The following ANK1 variants were observed in gnomAD, a reference collection of about 807,000 sequenced individuals.
ANK1 encodes the protein ankyrin 1, also known as ankyrin-1.
In ANK1, 51 loss-of-function variants were observed where a neutral mutation model predicts 210.4. The ratio of observed to expected loss-of-function variants is 0.24; its 90% CI spans 0.19 to 0.31. The LOEUF is 0.31. Among genes scored for constraint, ANK1 ranks in the 10% least tolerant of loss-of-function variants. The pLI, the probability that ANK1 is intolerant of heterozygous loss-of-function variation, is 1.00. For missense variants in ANK1, 2,051 were observed against 2,504.4 expected (o/e 0.82, Z 3.86); for synonymous variants, 967 against 1,025.9 (o/e 0.94, Z 1.10).
At position 41,722,578 on chromosome 8, in the gene ANK1, T is replaced by C. The variant is rs1407027324; in HGVS notation, c.909+547A>G. Among the ~76,000 whole-genome samples the C allele has an allele frequency of 6.6e-5, 10 of 152,230 alleles. 1 individual carries two copies. Among genetic ancestry groups the C allele is most frequent in the Admixed American group, 6.5e-4 (10 of 15,288 alleles). On this transcript the variant is annotated intron_variant, in intron 9 of 42. Coordinates refer to ENST00000289734, the MANE Select transcript of ANK1 (RefSeq NM_000037.4). Reference sequence around the variant, plus strand: ...AGAGCCACGTAACGGGCCTTTTCTCTGGCCCGTAATGGAACCTGAGAAGAA... The same window carrying C: ...AGAGCCACGTAACGGGCCTTTTCTCCGGCCCGTAATGGAACCTGAGAAGAA...
At chr8:41,858,941 A>G (rs535037009) in intron 1 of ANK1, among the ~76,000 whole-genome samples, 1 of 152,344 alleles carries the variant, frequency 6.6e-6, no homozygotes, top group Admixed American at 6.5e-5. Flanking sequence ...GACTCAGCTC[A>G]GGAAGGCTGC....
intron 35 of ANK1, among the ~76,000 whole-genome samples, chr8:41,687,452 A>G (rs1244045499): frequency 2.0e-5 from 3 of 152,354 alleles, no homozygotes; most frequent in Admixed American, 1.3e-4. Flanking sequence ...GGCAGGGATC[A>G]GCACGAGAAC....
Position 41,896,385 on chromosome 8 carries a change from C to T in ANK1, c.96G>A (p.Arg32=), listed in dbSNP as rs2150841631. The change falls in exon 1 of 43, where the codon CGG becomes CGA. Residue 32 remains arginine, a synonymous_variant. Transcript: ENST00000265709. ...TCTTTCGGTCACGGGAGCGGTTTCT[C>T]CGCTTCCTGTTGGATTCCTCCTTCT... 3 of 1,601,744 alleles carry T rather than the reference C, an allele frequency of 1.9e-6. No homozygotes were observed. In the South Asian group the frequency reaches 3.4e-5, roughly 18 times the overall value.
intron 1 of ANK1, among the ~76,000 whole-genome samples, chr8:41,763,213 CA>C (rs56021151): frequency 1.1e-3 from 146 of 130,414 alleles, no homozygotes; most frequent in Admixed American, 1.7e-3. Context: ...GACTCTGTCT[CA>C]AAAAAAAAAA....
At position 41,704,060 on chromosome 8, in the gene ANK1, G is replaced by C; in HGVS notation, c.2276C>G (p.Ser759Cys). 3.7e-6 allele frequency: 6 copies of C among 1,614,116 alleles called. No individual in the cohort carries two copies. Among genetic ancestry groups the C allele is most frequent in the Non-Finnish European group, 5.1e-6 (6 of 1,180,026 alleles). ...ACTCACCGAGCTGACCTCGTTTGGG[G>C]AAGCACCGTTTTTCAGAAGCAGAGT... The part of the protein sequence containing the change: ...IVTLLLKNGA[S>C]PNEVSSDGTT... The change falls in exon 20 of 43, where the codon TCC becomes TGC. Residue 759 changes from serine (S) to cysteine (C), a missense_variant. Ser to Cys is a moderately radical substitution (Grantham distance 112, BLOSUM62 -1). Coordinates refer to ENST00000289734, the MANE Select transcript of ANK1 (RefSeq NM_000037.4). This position sits in a 1 kb window ranked among gnomAD's most constrained non-coding sequence, Gnocchi z 4.1.
intron 2 of ANK1, among the ~76,000 whole-genome samples, chr8:41,749,295 C>CTTTTTTTTT (rs35569972): frequency 8.7e-6 from 1 of 115,420 alleles, no homozygotes; most frequent in Non-Finnish European, 1.7e-5. Context: ...TCATCTTGGA[C>CTTTTTTTTT]TTTTTTTTTT....
chr8:41,816,567 T>C (rs970442937), intron 1 of ANK1, among the ~76,000 whole-genome samples: 1 of 152,120 alleles, frequency 6.6e-6, no homozygotes, highest in African/African-American at 2.4e-5. Context: ...GCCTCCCAAG[T>C]AGCTGGGATG....
chr8:41,758,470 C>T (rs934492563), intron 1 of ANK1, among the ~76,000 whole-genome samples: 14 of 152,202 alleles, frequency 9.2e-5, no homozygotes, highest in African/African-American at 3.4e-4. Flanking sequence ...GTAGCTGGGA[C>T]TACAGGTGTG....
At chr8:41,750,309 G>A (rs901240486) in intron 2 of ANK1, among the ~76,000 whole-genome samples, 3 of 152,182 alleles carry the variant, frequency 2.0e-5, no homozygotes, top group African/African-American at 4.8e-5. Flanking sequence ...CTGGGTTTTC[G>A]CACTGGAAAT....
At chr8:41,859,496 A>T (rs1324785485) in intron 1 of ANK1, among the ~76,000 whole-genome samples, 1 of 152,184 alleles carries the variant, frequency 6.6e-6, no homozygotes, top group African/African-American at 2.4e-5. Context: ...ACAGGCACAC[A>T]CAACCACGCC....
At chr8:41,883,040 G>C (rs1404605294) in intron 1 of ANK1, among the ~76,000 whole-genome samples, 1 of 152,238 alleles carries the variant, frequency 6.6e-6, no homozygotes, top group Non-Finnish European at 1.5e-5. Flanking sequence ...GAGGTTTATA[G>C]AGTCACAGGG....
chr8:41,826,900 T>C (rs538085129), intron 1 of ANK1, among the ~76,000 whole-genome samples: 2 of 152,316 alleles, frequency 1.3e-5, no homozygotes, highest in African/African-American at 4.8e-5. Context: ...TCTAAATCTT[T>C]CCCTGCCTTT....
intron 1 of ANK1, among the ~76,000 whole-genome samples, chr8:41,860,395 T>C (rs1373866279): frequency 6.6e-6 from 1 of 152,144 alleles, no homozygotes; most frequent in Non-Finnish European, 1.5e-5. Context: ...TTGCCCACAA[T>C]GCGGAGCAGT....
intron 2 of ANK1, among the ~76,000 whole-genome samples, chr8:41,752,564 T>C (rs1432255836): frequency 1.3e-5 from 2 of 152,042 alleles, no homozygotes; most frequent in Non-Finnish European, 2.9e-5. Flanking sequence ...TGCTCTTGAC[T>C]CCTCCCCCGT....
intron 1 of ANK1, among the ~76,000 whole-genome samples, chr8:41,759,943 T>G (rs1339459544): frequency 6.6e-6 from 1 of 152,082 alleles, no homozygotes; most frequent in Non-Finnish European, 1.5e-5. Context: ...GTAGTGTGGC[T>G]CAGAAATTCA....
intron 1 of ANK1, among the ~76,000 whole-genome samples, chr8:41,789,686 A>G (rs1847210539): frequency 6.6e-6 from 1 of 152,238 alleles, no homozygotes; most frequent in Admixed American, 6.5e-5. Context: ...AAGAGTGTCT[A>G]TATTAGAGAG....
intron 1 of ANK1, among the ~76,000 whole-genome samples, chr8:41,817,429 C>A (rs2150786958): frequency 6.6e-6 from 1 of 152,298 alleles, no homozygotes; most frequent in Middle Eastern, 3.4e-3. Context: ...TGAATTGCTT[C>A]CAGAGGCACA....
chr8:41,673,574 G>A (rs557253436), intron 37 of ANK1, among the ~76,000 whole-genome samples: 1 of 152,156 alleles, frequency 6.6e-6, no homozygotes, highest in South Asian at 2.1e-4. Flanking sequence ...AGTGCTACAG[G>A]GGAGGGCTCT....
At chr8:41,700,556 C>T in intron 22 of ANK1, 1 of 1,216,310 alleles carries the variant, frequency 8.2e-7, no homozygotes, top group Non-Finnish European at 1.2e-6. Flanking sequence ...CTCTGCTTCT[C>T]TAGTTGACAA....
Sources: allele counts gnomAD v4.1 joint callset (sites outside exome capture counted in the v4.1 genomes callset), GRCh38; gene constraint gnomAD v4.1.1; non-coding constraint Gnocchi (gnomAD v3.1); transcripts MANE v1.5; gene names NCBI Gene and HGNC (gene_info 2026-07-23, HGNC 2026-07-21).